UBR3: variants seen among roughly 807,000 people sequenced by gnomAD.
UBR3 encodes the protein ubiquitin protein ligase E3 component n-recognin 3.
A neutral mutation model predicts 243.2 loss-of-function variants in UBR3; 85 were observed. That is an observed-to-expected ratio of 0.35 (90% CI 0.29 to 0.42). UBR3 has a LOEUF of 0.42. Ranked by LOEUF, UBR3 falls within the 10% of genes least tolerant of loss-of-function variation. UBR3 has a pLI of 1.00. For missense variants in UBR3, 1,686 were observed against 2,300.8 expected (o/e 0.73, Z 5.47); for synonymous variants, 748 against 799.8 (o/e 0.94, Z 1.09).
At chr2:170,000,036 G>A (rs1416791225) in intron 26 of UBR3, among the ~76,000 whole-genome samples, 1 of 151,674 alleles carries the variant, frequency 6.6e-6, no homozygotes, top group Non-Finnish European at 1.5e-5. Context: ...TGAGGCAGGA[G>A]AATCACTTGA....
intron 24 of UBR3, among the ~76,000 whole-genome samples, chr2:169,983,741 A>T (rs1253492244): frequency 3.3e-5 from 5 of 152,208 alleles, no homozygotes; most frequent in Admixed American, 3.3e-4. Flanking sequence ...ATTCAGAAGA[A>T]TCAGCTGCTT....
intron 5 of UBR3, among the ~76,000 whole-genome samples, chr2:169,886,390 T>C (rs2084101838): frequency 1.3e-5 from 2 of 152,194 alleles, no homozygotes; most frequent in Admixed American, 6.5e-5. Flanking sequence ...GGAGCTTACC[T>C]AGTTTATGAG....
chr2:169,957,641 A>G (rs1362154211), intron 23 of UBR3, among the ~76,000 whole-genome samples: 3 of 152,054 alleles, frequency 2.0e-5, no homozygotes, highest in South Asian at 4.1e-4. Flanking sequence ...CAGCACACCA[A>G]CATGGCACAT....
chr2:170,001,793 A>G (rs979849420), intron 27 of UBR3, among the ~76,000 whole-genome samples: 1 of 151,782 alleles, frequency 6.6e-6, no homozygotes, highest in African/African-American at 2.4e-5. Context: ...TGCACCTGTA[A>G]TCCCAGCTAC....
At chr2:170,001,898 G>A (rs2089711952) in intron 27 of UBR3, among the ~76,000 whole-genome samples, 1 of 85,098 alleles carries the variant, frequency 1.2e-5, no homozygotes. Context: ...GGGCAACAGA[G>A]AGAGACTCCA....
At chr2:170,034,554 CAATT>C (rs915875058) in intron 31 of UBR3, among the ~76,000 whole-genome samples, 2 of 151,960 alleles carry the variant, frequency 1.3e-5, no homozygotes, top group African/African-American at 2.4e-5. Flanking sequence ...GTCTGTACCA[CAATT>C]AATTTATTCA....
chr2:169,827,892 G>T lies in UBR3; in HGVS notation c.385G>T (p.Val129Leu). The T allele has an allele frequency of 2.0e-6, 3 of 1,518,542 alleles. No homozygotes were observed. Among genetic ancestry groups the T allele is most frequent in the Non-Finnish European group, 2.6e-6 (3 of 1,136,644 alleles). The allele number at this position is 1,518,542 out of a possible 1,614,324, so 94.1% of individuals were successfully genotyped here. ...LCGLVWTANF[V>L]AYRCRTCGIS... is the part of the protein sequence containing the mutation. ...CGGCCTGGTCTGGACAGCCAACTTC[G>T]TGGCCTACCGCTGCCGGACGTGCGG... The change falls in exon 1 of 39, where the codon GTG becomes TTG. Residue 129 changes from valine (V) to leucine (L), a missense_variant. Physicochemically the swap from Val to Leu is conservative, Grantham distance 32 (BLOSUM62 1). Coordinates refer to ENST00000272793, the MANE Select transcript of UBR3 (RefSeq NM_172070.4).
chr2:170,027,258 A>G (rs1489012160), intron 30 of UBR3, among the ~76,000 whole-genome samples: 4 of 151,660 alleles, frequency 2.6e-5, no homozygotes, highest in Admixed American at 6.6e-5. Context: ...GATTTATTCT[A>G]TAACTATTAT....
Position 169,827,942 on chromosome 2 carries a change from C to T in UBR3, c.435C>T (p.Cys145=), listed in dbSNP as rs1263648098. 15 of 1,480,916 alleles carry T rather than the reference C, an allele frequency of 1.0e-5. No individual in the cohort carries two copies. The highest frequency in any genetic ancestry group is 1.3e-5 in the Non-Finnish European group (15 of 1,114,670). 91.7% of individuals were successfully genotyped at this position (1,480,916 alleles called of 1,614,324 possible). Residue 145 remains cysteine, a synonymous_variant, in exon 1 of 39, where the codon TGC becomes TGT. Coordinates refer to ENST00000272793, the MANE Select transcript of UBR3 (RefSeq NM_172070.4). ...TCGISPCMSL[C]AECFHQGDHT... ...GCATCTCGCCCTGCATGTCGCTGTG[C>T]GCCGAGTGCTTCCACCAGGGCGACC...
At chr2:169,943,906 T>A (rs972823520) in intron 20 of UBR3, among the ~76,000 whole-genome samples, 1 of 152,180 alleles carries the variant, frequency 6.6e-6, no homozygotes, top group Non-Finnish European at 1.5e-5. Context: ...TAAATTTCTA[T>A]ACTTCTCTTC....
intron 14 of UBR3, 54 bp downstream of exon 14, chr2:169,925,801 A>G: frequency 7.0e-7 from 1 of 1,431,104 alleles, no homozygotes. Flanking sequence ...TTTGTACCCA[A>G]GGGATTTTAA....
At chr2:169,976,375 T>C (rs1276651246) in intron 24 of UBR3, among the ~76,000 whole-genome samples, 2 of 152,134 alleles carry the variant, frequency 1.3e-5, no homozygotes, top group Non-Finnish European at 2.9e-5. Flanking sequence ...CATTTTTTCA[T>C]GATGGTGATT....
At chr2:169,905,379 C>T in intron 9 of UBR3, 86 bp downstream of exon 9, 1 of 999,922 alleles carries the variant, frequency 1.0e-6, no homozygotes, top group Non-Finnish European at 1.4e-6. Flanking sequence ...TACAATAGCA[C>T]ATCATTCACG....
At chr2:169,996,141 A>G (rs2089469335) in intron 26 of UBR3, among the ~76,000 whole-genome samples, 1 of 152,240 alleles carries the variant, frequency 6.6e-6, no homozygotes, top group South Asian at 2.1e-4. Flanking sequence ...TGACCTAGTG[A>G]TGATAAGAGC....
intron 1 of UBR3, among the ~76,000 whole-genome samples, chr2:169,841,452 C>T (rs955393315): frequency 9.8e-5 from 15 of 152,332 alleles, no homozygotes; most frequent in Middle Eastern, 3.4e-3. Context: ...GCCCTTTAGC[C>T]CCCCCACTGC....
chr2:169,937,620 C>G (rs984107565), intron 19 of UBR3, among the ~76,000 whole-genome samples: 1 of 152,144 alleles, frequency 6.6e-6, no homozygotes, highest in South Asian at 2.1e-4. Flanking sequence ...AGGTTTTCCT[C>G]TAGGGTTTTT....
intron 2 of UBR3, among the ~76,000 whole-genome samples, chr2:169,875,381 G>A (rs1054417047): frequency 3.7e-4 from 56 of 152,186 alleles, no homozygotes; most frequent in African/African-American, 1.2e-3. Flanking sequence ...CCAGGCTGGA[G>A]TACAGTGGCA....
At chr2:169,999,912 AG>A (rs2089632626) in intron 26 of UBR3, among the ~76,000 whole-genome samples, 3 of 152,260 alleles carry the variant, frequency 2.0e-5, no homozygotes, top group Non-Finnish European at 4.4e-5. Context: ...TCACTCCCTG[AG>A]GTCGGGAGTT....
intron 24 of UBR3, among the ~76,000 whole-genome samples, chr2:169,982,688 T>C (rs2105384975): frequency 6.6e-6 from 1 of 152,310 alleles, no homozygotes; most frequent in African/African-American, 2.4e-5. Context: ...ATATTAGTTT[T>C]CATGACTCAT....
Sources: gnomAD v4.1 joint callset for allele counts (sites outside exome capture counted in the v4.1 genomes callset) on GRCh38, gnomAD v4.1.1 for gene constraint, MANE v1.5 for transcripts, NCBI Gene and HGNC (gene_info 2026-07-23, HGNC 2026-07-21) for gene names.